CSMD1: variants seen among roughly 807,000 people sequenced by gnomAD.
The protein encoded by CSMD1 is CUB and Sushi multiple domains 1.
In CSMD1, 213 loss-of-function variants were observed where a neutral mutation model predicts 417.5. The observed-to-expected ratio is 0.51, with a 90% CI of 0.46 to 0.57. The LOEUF (loss-of-function observed/expected upper bound fraction) is 0.57. CSMD1 is among the 20% of genes least tolerant of loss of function. CSMD1 has a pLI of 0.00. For synonymous variants in CSMD1, 2,862 were observed against 1,736.8 expected (o/e 1.65, Z -16.11); for missense variants, 6,923 against 4,529.7 (o/e 1.53, Z -15.17).
chr8:4,234,000 T>C (rs1428231692), intron 3 of CSMD1, among the ~76,000 whole-genome samples: 1 of 152,092 alleles, frequency 6.6e-6, no homozygotes, highest in Non-Finnish European at 1.5e-5. Flanking sequence ...TGATCCCTTC[T>C]GCCTGAGAGG....
At position 3,723,160 on chromosome 8, in the gene CSMD1, T is replaced by C. The variant is rs148989534; in HGVS notation, c.932-14669A>G. The stretch of plus-strand genomic sequence containing the variant: ...TCTAGGACTGAGGTTCCCATCTTCT[T>C]GCTGGCTAATGAAGGGGCCACTCGG... On this transcript the variant is annotated intron_variant, in intron 6 of 69. Coordinates refer to ENST00000635120, the MANE Select transcript of CSMD1 (RefSeq NM_033225.6). Among the ~76,000 whole-genome samples the C allele has an allele frequency of 6.6e-4, 101 of 152,260 alleles. 1 individual carries two copies. In the East Asian group the frequency reaches 0.016, roughly 24 times the overall value.
rs200576103 is a variant in CSMD1, at chr8:3,072,165, C to T, written c.7474+14932G>A. Among the ~76,000 whole-genome samples the T allele has an allele frequency of 3.9e-5, 6 of 152,250 alleles. No individual in the cohort carries two copies. In the East Asian group the frequency reaches 5.8e-4, roughly 15 times the overall value. ...TCAGGGCATCTGAGATCAATTCTTC[C>T]GGAGTCTATGTCTGCACAGATTCAA... On this transcript the variant is annotated intron_variant, in intron 49 of 69. Transcript: ENST00000635120.
chr8:3,443,927 T>C (rs925350616), intron 12 of CSMD1, among the ~76,000 whole-genome samples: 1 of 152,184 alleles, frequency 6.6e-6, no homozygotes, highest in Non-Finnish European at 1.5e-5. Flanking sequence ...GATATTCTAA[T>C]TCCACCTTTA....
intron 4 of CSMD1, among the ~76,000 whole-genome samples, chr8:4,008,592 CTTTTTTTCTTTT>C (rs1816309759): frequency 3.5e-5 from 3 of 86,588 alleles, no homozygotes; most frequent in African/African-American, 1.3e-4. Context: ...TATTTTCTTT[CTTTTTTTCTTTT>C]TTTTTTTTTT....
intron 3 of CSMD1, among the ~76,000 whole-genome samples, chr8:4,084,960 G>T (rs1163530206): frequency 6.6e-6 from 1 of 152,160 alleles, no homozygotes; most frequent in Non-Finnish European, 1.5e-5. Context: ...CCTGCAGAAA[G>T]AAGGAGATGG....
chr8:3,312,105 A>T (rs1805395121), intron 23 of CSMD1, among the ~76,000 whole-genome samples: 1 of 152,186 alleles, frequency 6.6e-6, no homozygotes. Context: ...TCTCCAAAAA[A>T]AACAAGCAAA....
intron 3 of CSMD1, among the ~76,000 whole-genome samples, chr8:4,110,131 A>G (rs1801774260): frequency 6.6e-6 from 1 of 152,140 alleles, no homozygotes; most frequent in African/African-American, 2.4e-5. Flanking sequence ...AAAGTGTCTT[A>G]GAATAATAAG....
intron 1 of CSMD1, among the ~76,000 whole-genome samples, chr8:4,789,045 G>C (rs550988978): frequency 8.8e-4 from 134 of 152,286 alleles, no homozygotes; most frequent in African/African-American, 3.2e-3. Flanking sequence ...TTGTTCCACA[G>C]TTTATTTATT....
intron 62 of CSMD1, among the ~76,000 whole-genome samples, chr8:2,958,425 C>A (rs927653119): frequency 6.6e-6 from 1 of 152,314 alleles, no homozygotes; most frequent in East Asian, 1.9e-4. Flanking sequence ...AATGCATTTC[C>A]CCAACGTATC....
chr8:3,311,309 G>A (rs1251749230), intron 23 of CSMD1, among the ~76,000 whole-genome samples: 2 of 152,098 alleles, frequency 1.3e-5, no homozygotes, highest in African/African-American at 4.8e-5. Context: ...GAATGCAGTG[G>A]CATGATCTCG....
chr8:3,734,655 G>A (rs2623699), intron 6 of CSMD1, among the ~76,000 whole-genome samples: 48,830 of 152,056 alleles, frequency 0.32, 8,084 homozygotes, highest in African/African-American at 0.4. Flanking sequence ...AGGTCGCAGT[G>A]AGCCAAAACT....
chr8:4,211,808 T>G (rs745497370), intron 3 of CSMD1, among the ~76,000 whole-genome samples: 1 of 152,306 alleles, frequency 6.6e-6, no homozygotes, highest in East Asian at 1.9e-4. Context: ...TTCTGGACTT[T>G]AGATGATAAT....
At chr8:4,069,353 T>C (rs186146341) in intron 3 of CSMD1, among the ~76,000 whole-genome samples, 1 of 152,236 alleles carries the variant, frequency 6.6e-6, no homozygotes, top group Admixed American at 6.5e-5. Flanking sequence ...TACAGGTAGT[T>C]GAACCACTGG....
intron 31 of CSMD1, among the ~76,000 whole-genome samples, chr8:3,204,657 T>A (rs1378033475): frequency 6.6e-6 from 1 of 152,174 alleles, no homozygotes; most frequent in Non-Finnish European, 1.5e-5. Flanking sequence ...ATCAAATATC[T>A]TTCTTGTCAC....
intron 3 of CSMD1, among the ~76,000 whole-genome samples, chr8:4,033,332 C>A (rs1563342672): frequency 6.6e-6 from 1 of 151,856 alleles, no homozygotes; most frequent in Non-Finnish European, 1.5e-5. Flanking sequence ...GTCCCAGCTA[C>A]TTGGGAGGCT....
intron 50 of CSMD1, among the ~76,000 whole-genome samples, chr8:3,038,143 G>A (rs944881695): frequency 6.6e-6 from 1 of 152,056 alleles, no homozygotes; most frequent in Non-Finnish European, 1.5e-5. Context: ...GTGTTCCAAC[G>A]CTATCGGTAG....
At chr8:4,899,547 C>T (rs1286215396) in intron 1 of CSMD1, among the ~76,000 whole-genome samples, 1 of 152,180 alleles carries the variant, frequency 6.6e-6, no homozygotes, top group Non-Finnish European at 1.5e-5. Flanking sequence ...ATCTATATCA[C>T]TCTTTCTTGT....
intron 2 of CSMD1, among the ~76,000 whole-genome samples, chr8:4,529,872 TG>T (rs1796703496): frequency 8.1e-6 from 1 of 124,138 alleles, no homozygotes; most frequent in African/African-American, 3.4e-5. Flanking sequence ...CTGCTGCCAT[TG>T]TTTTTTTTTT....
chr8:3,967,289 C>A (rs1257328748), intron 5 of CSMD1, among the ~76,000 whole-genome samples: 1 of 151,970 alleles, frequency 6.6e-6, no homozygotes, highest in East Asian at 1.9e-4. Flanking sequence ...GTTCTTGTTC[C>A]CTTTGTTCCT....
Sources: gnomAD v4.1 joint callset for allele counts (sites outside exome capture counted in the v4.1 genomes callset) on GRCh38, gnomAD v4.1.1 for gene constraint, MANE v1.5 for transcripts, NCBI Gene and HGNC (gene_info 2026-07-23, HGNC 2026-07-21) for gene names.